SHISA9: variants seen among roughly 807,000 people sequenced by gnomAD.
SHISA9 encodes shisa family member 9, also known as protein shisa-9.
A neutral mutation model predicts 38.0 loss-of-function variants in SHISA9; 13 were observed. The observed-to-expected ratio is 0.34, with a 90% CI of 0.22 to 0.54. The LOEUF (loss-of-function observed/expected upper bound fraction) is 0.54, where lower values mean the gene tolerates loss of function less well. SHISA9 is among the 20% of genes least tolerant of loss of function. SHISA9 has a pLI of 0.91. For missense variants in SHISA9, 538 were observed against 575.8 expected (o/e 0.93, Z 0.67); for synonymous variants, 275 against 242.0 (o/e 1.14, Z -1.27).
chr16:13,173,535 C>A (rs900259636), intron 2 of SHISA9, among the ~76,000 whole-genome samples: 1 of 149,970 alleles, frequency 6.7e-6, no homozygotes, highest in Non-Finnish European at 1.5e-5. Context: ...TCTAGATCAG[C>A]AGTTCTTAAC....
the SHISA9 span, among the ~76,000 whole-genome samples, chr16:13,480,289 A>G: frequency 2.6e-4 from 39 of 152,236 alleles, no homozygotes; most frequent in African/African-American, 9.1e-4. Context: ...GTGGAGTGAC[A>G]TCATGCCGAA....
intron 4 of SHISA9, among the ~76,000 whole-genome samples, chr16:13,219,722 C>T (rs780578452): frequency 2.6e-5 from 4 of 152,040 alleles, no homozygotes; most frequent in African/African-American, 4.8e-5. Context: ...TTTGGGAGGC[C>T]GAGGTGGGCA....
At chr16:13,469,891 G>C in the SHISA9 span, among the ~76,000 whole-genome samples, 1 of 152,138 alleles carries the variant, frequency 6.6e-6, no homozygotes, top group Non-Finnish European at 1.5e-5. Context: ...AGAGTACATG[G>C]TACCATTCTC....
intron 2 of SHISA9, among the ~76,000 whole-genome samples, chr16:13,069,782 G>T (rs1235634163): frequency 6.6e-6 from 1 of 152,104 alleles, no homozygotes; most frequent in Non-Finnish European, 1.5e-5. Flanking sequence ...ATTAGGTTAT[G>T]AGGGCTTTGC....
intron 2 of SHISA9, among the ~76,000 whole-genome samples, chr16:12,975,375 G>T (rs1198343504): frequency 6.6e-6 from 1 of 151,928 alleles, no homozygotes; most frequent in Non-Finnish European, 1.5e-5. Flanking sequence ...GTAGTGGCTG[G>T]CACCTGTAAT....
At chr16:12,976,887 G>A (rs568109496) in intron 2 of SHISA9, among the ~76,000 whole-genome samples, 1 of 152,312 alleles carries the variant, frequency 6.6e-6, no homozygotes, top group Non-Finnish European at 1.5e-5. Flanking sequence ...GGCTGAAAGT[G>A]AGCCAGGGGC....
At chr16:12,958,647 A>T (rs1294070750) in intron 2 of SHISA9, among the ~76,000 whole-genome samples, 1 of 152,230 alleles carries the variant, frequency 6.6e-6, no homozygotes, top group Non-Finnish European at 1.5e-5. Context: ...TTATATTTGC[A>T]ATAGGCTTTT....
the SHISA9 span, among the ~76,000 whole-genome samples, chr16:13,286,268 C>A: frequency 6.6e-6 from 1 of 152,100 alleles, no homozygotes; most frequent in Non-Finnish European, 1.5e-5. Flanking sequence ...ATAGGCAGGA[C>A]CCCCTGAGGC....
intron 2 of SHISA9, among the ~76,000 whole-genome samples, chr16:13,187,276 G>A (rs544550328): frequency 1.3e-5 from 2 of 151,340 alleles, no homozygotes. Context: ...AACTTCTCAG[G>A]AGGTAGGATT....
At chr16:13,280,694 C>A in the SHISA9 span, among the ~76,000 whole-genome samples, 1 of 151,852 alleles carries the variant, frequency 6.6e-6, no homozygotes, top group South Asian at 2.1e-4. Context: ...TTTATTGAGA[C>A]TTAGATATCT....
intron 2 of SHISA9, among the ~76,000 whole-genome samples, chr16:13,025,218 C>A (rs2072906272): frequency 6.6e-6 from 1 of 152,184 alleles, no homozygotes; most frequent in South Asian, 2.1e-4. Flanking sequence ...CTAATTATTA[C>A]TTTCCTCTAT....
intron 2 of SHISA9, among the ~76,000 whole-genome samples, chr16:12,984,609 C>G (rs541682121): frequency 1.3e-5 from 2 of 152,050 alleles, no homozygotes; most frequent in African/African-American, 4.8e-5. Flanking sequence ...TTTTTTCTCC[C>G]CAGACAGGAG....
At chr16:13,560,168 T>G in the SHISA9 span, among the ~76,000 whole-genome samples, 1 of 152,224 alleles carries the variant, frequency 6.6e-6, no homozygotes. Flanking sequence ...TCGATTTGGT[T>G]TCTCTCACTA....
chr16:13,039,942 G>C (rs1055277657), intron 2 of SHISA9, among the ~76,000 whole-genome samples: 1 of 152,100 alleles, frequency 6.6e-6, no homozygotes, highest in African/African-American at 2.4e-5. Flanking sequence ...TGGCATGCTT[G>C]ATTCCTCTCT....
At chr16:13,262,839 G>A in the SHISA9 span, among the ~76,000 whole-genome samples, 1 of 152,146 alleles carries the variant, frequency 6.6e-6, no homozygotes, top group Non-Finnish European at 1.5e-5. Context: ...ACCCAGTTGA[G>A]AGATATAAAG....
the SHISA9 span, among the ~76,000 whole-genome samples, chr16:13,248,477 A>G: frequency 2.0e-5 from 3 of 152,166 alleles, no homozygotes. Context: ...GTGTCAGATA[A>G]CCTTGGATTT....
intron 2 of SHISA9, among the ~76,000 whole-genome samples, chr16:13,096,817 A>AT (rs1477630713): frequency 6.6e-6 from 1 of 151,834 alleles, no homozygotes; most frequent in Non-Finnish European, 1.5e-5. Flanking sequence ...TGGATGTGCT[A>AT]TTTTTTCAAC....
At chr16:13,184,481 G>A (rs187727910) in intron 2 of SHISA9, among the ~76,000 whole-genome samples, 1 of 152,262 alleles carries the variant, frequency 6.6e-6, no homozygotes, top group Non-Finnish European at 1.5e-5. Context: ...TTTACTTTAT[G>A]ATTTACATAC....
Position 13,030,448 on chromosome 16 carries a change from C to G in SHISA9, c.691+113633C>G, listed in dbSNP as rs997226424. Among the ~76,000 whole-genome samples the G allele has an allele frequency of 6.6e-5, 10 of 152,302 alleles. No individual in the cohort carries two copies. The South Asian group carries it at 8.3e-4, about 13-fold the overall frequency. On this transcript the variant is annotated intron_variant, in intron 2 of 4. Transcript: ENST00000558583. ...TCATAGGATTGAGCCCAGTTGCCCA[C>G]TGCAGTAACATGCCCATTAATGCTA...
Sources: allele counts gnomAD v4.1 joint callset (sites outside exome capture counted in the v4.1 genomes callset), GRCh38; gene constraint gnomAD v4.1.1; transcripts MANE v1.5; gene names NCBI Gene and HGNC (gene_info 2026-07-23, HGNC 2026-07-21).